SNX29: variants seen among roughly 807,000 people sequenced by gnomAD.
SNX29 encodes the protein sorting nexin-29.
Under a neutral mutation model 102.1 loss-of-function variants are expected in SNX29, and 78 were observed. The observed-to-expected ratio is 0.76, with a 90% confidence interval of 0.64 to 0.92. SNX29 has a LOEUF of 0.92. Ranked by LOEUF, SNX29 falls within the 40% of genes least tolerant of loss-of-function variation. The probability of loss-of-function intolerance (pLI) is 0.00; values close to 1 mark genes in which losing one functional copy is unlikely to be tolerated. For synonymous variants in SNX29, 580 were observed against 414.5 expected (o/e 1.40, Z -4.85); for missense variants, 1,280 against 1,061.7 (o/e 1.21, Z -2.86).
At chr16:12,419,925 C>G (rs2084804788) in intron 18 of SNX29, among the ~76,000 whole-genome samples, 1 of 152,368 alleles carries the variant, frequency 6.6e-6, no homozygotes, top group South Asian at 2.1e-4. Flanking sequence ...TGGTGTTTAA[C>G]TGGCCAAAAT....
rs1020200026 is a variant in SNX29 at position 12,246,228 on chromosome 16, G to A, written c.1679-31705G>A. 1.3e-4 allele frequency among the ~76,000 whole-genome samples: 20 copies of A among 152,242 alleles called. No individual in the cohort carries two copies. The Middle Eastern group carries it at 0.01, about 78-fold the overall frequency. On this transcript the variant is annotated intron_variant, in intron 14 of 20. Transcript: ENST00000566228. ...TCTCAGGAAGCAAGAGGGTGCAGCT[G>A]ACAGGCAGCGCTGCAGGCAGACAGC...
At chr16:12,308,813 C>T (rs2080435199) in intron 15 of SNX29, among the ~76,000 whole-genome samples, 1 of 151,980 alleles carries the variant, frequency 6.6e-6, no homozygotes, top group Admixed American at 6.6e-5. Context: ...GCAAAAGAAA[C>T]AAGAACGCCT....
chr16:12,210,389 A>G (rs2142034387), intron 14 of SNX29, among the ~76,000 whole-genome samples: 1 of 148,678 alleles, frequency 6.7e-6, no homozygotes, highest in East Asian at 2.0e-4. Context: ...GCGCAGCTGG[A>G]CGATCATAGT....
intron 14 of SNX29, among the ~76,000 whole-genome samples, chr16:12,210,235 G>A (rs2142033240): frequency 6.6e-6 from 1 of 152,288 alleles, no homozygotes; most frequent in Admixed American, 6.5e-5. Flanking sequence ...CAGAGCAGGA[G>A]GCACATGCCT....
intron 14 of SNX29, among the ~76,000 whole-genome samples, chr16:12,236,525 G>A (rs1286764305): frequency 6.6e-6 from 1 of 152,094 alleles, no homozygotes; most frequent in African/African-American, 2.4e-5. Flanking sequence ...ATGACTTTCC[G>A]CATCCCTGAA....
At chr16:12,498,108 G>C (rs1273230651) in intron 19 of SNX29, among the ~76,000 whole-genome samples, 1 of 152,232 alleles carries the variant, frequency 6.6e-6, no homozygotes, top group Non-Finnish European at 1.5e-5. Context: ...ATTGAGTCTT[G>C]AGGGATAAGC....
chr16:12,504,754 C>A (rs898694274), intron 19 of SNX29, among the ~76,000 whole-genome samples: 3 of 152,130 alleles, frequency 2.0e-5, no homozygotes, highest in African/African-American at 7.2e-5. Context: ...TAGACTTTGT[C>A]ATAAGTATGT....
chr16:12,173,112 A>G (rs1057049264), intron 13 of SNX29, among the ~76,000 whole-genome samples: 8 of 152,212 alleles, frequency 5.3e-5, no homozygotes, highest in African/African-American at 1.9e-4. Context: ...CAAGGAAGTC[A>G]ATTGGCGCCG....
intron 14 of SNX29, among the ~76,000 whole-genome samples, chr16:12,263,154 C>A (rs2078830489): frequency 7.0e-6 from 1 of 143,186 alleles, no homozygotes; most frequent in Non-Finnish European, 1.5e-5. Flanking sequence ...TTTTTTGAGA[C>A]AGGATCTCAC....
chr16:12,547,178 G>A (rs978365076), intron 20 of SNX29, among the ~76,000 whole-genome samples: 3 of 152,230 alleles, frequency 2.0e-5, no homozygotes, highest in East Asian at 3.8e-4. Flanking sequence ...TTATGGTCTA[G>A]GAAGATGACA....
At chr16:12,148,406 G>T (rs1291351584) in intron 13 of SNX29, among the ~76,000 whole-genome samples, 2 of 152,148 alleles carry the variant, frequency 1.3e-5, no homozygotes, top group Admixed American at 6.5e-5. Flanking sequence ...GATGGTCTCT[G>T]CCTCTCTTTC....
Position 12,569,669 on chromosome 16 carries a change from G to T in SNX29, c.*1040G>T, listed in dbSNP as rs1469943911. On this transcript the variant is annotated 3_prime_UTR_variant, in exon 21 of 21. Transcript: ENST00000566228. ...TCCTCTGTTCCTCCCATGTCAGGTG[G>T]CTCTCAGAGTACAGGGACCTTGGCA... is the stretch of plus-strand genomic sequence containing the variant. 4.4e-6 allele frequency: 1 copy of T among 229,716 alleles called. No homozygotes were observed. Among genetic ancestry groups the T allele is most frequent in the Non-Finnish European group, 8.6e-6 (1 of 115,820 alleles). 14.2% of individuals were successfully genotyped at this position (229,716 alleles called of 1,614,324 possible).
intron 11 of SNX29, among the ~76,000 whole-genome samples, chr16:12,099,934 G>A (rs2052939177): frequency 6.6e-6 from 1 of 152,160 alleles, no homozygotes; most frequent in African/African-American, 2.4e-5. Context: ...TACTTGATCA[G>A]TGTGCAGGCA....
At chr16:12,149,491 T>TGAGG (rs764523051) in intron 13 of SNX29, among the ~76,000 whole-genome samples, 33 of 152,230 alleles carry the variant, frequency 2.2e-4, no homozygotes, top group Admixed American at 6.5e-4. Context: ...CCCGGGGTCA[T>TGAGG]GAGGGAGTAT....
At position 12,570,981 on chromosome 16, in the gene SNX29, C is replaced by T. The variant is rs1047649748; in HGVS notation, c.*2352C>T. On this transcript the variant is annotated 3_prime_UTR_variant, in exon 21 of 21. Transcript: ENST00000566228. ...CCAGCTGCCTGCTCCTGGTACCTCC[C>T]CCATGATCATGCACAGACCGTAGAG... is the stretch of plus-strand genomic sequence containing the variant. The T allele has an allele frequency of 1.0e-4, 24 of 232,454 alleles. No individual in the cohort carries two copies. The highest frequency in any genetic ancestry group is 2.0e-4 in the Non-Finnish European group (23 of 117,588). The allele number at this position is 232,454 out of a possible 1,614,324, so 14.4% of individuals were successfully genotyped here. A position where few individuals can be genotyped will look rare whatever the true frequency, so the allele number is the denominator to read the frequency against.
At chr16:12,426,725 G>C (rs1347448380) in intron 18 of SNX29, among the ~76,000 whole-genome samples, 2 of 152,174 alleles carry the variant, frequency 1.3e-5, no homozygotes, top group Admixed American at 6.5e-5. Flanking sequence ...GAGTGCAGTG[G>C]CGCGATCTCA....
chr16:12,302,119 C>T (rs1689377477), intron 15 of SNX29, among the ~76,000 whole-genome samples: 1 of 152,108 alleles, frequency 6.6e-6, no homozygotes. Flanking sequence ...TGATCTAAGA[C>T]AGAGATGGGA....
chr16:12,033,528 G>T lies in SNX29; in HGVS notation c.247+6084G>T, dbSNP rs564900483. 1.0e-3 allele frequency among the ~76,000 whole-genome samples: 157 copies of T among 152,038 alleles called. 1 individual carries two copies. The highest frequency in any genetic ancestry group is 6.8e-3 in the Middle Eastern group (2 of 292). On this transcript the variant is annotated intron_variant, in intron 4 of 20. Transcript: ENST00000566228. ...AAGCCATTCATGAGCTCCCTACATG[G>T]TTCACCTGGACTGTGCCCCTCCTAT...
chr16:12,197,067 A>T (rs2076794413), intron 13 of SNX29, among the ~76,000 whole-genome samples: 1 of 152,236 alleles, frequency 6.6e-6, no homozygotes, highest in Non-Finnish European at 1.5e-5. Context: ...GCTGGCAGCA[A>T]ATGAGAGGAG....
Sources: gnomAD v4.1 joint callset for allele counts (sites outside exome capture counted in the v4.1 genomes callset) on GRCh38, gnomAD v4.1.1 for gene constraint, MANE v1.5 for transcripts, NCBI Gene and HGNC (gene_info 2026-07-23, HGNC 2026-07-21) for gene names.